The following BNC2 variants were observed in gnomAD, a reference collection of about 807,000 sequenced individuals.
The protein encoded by BNC2 is basonuclin zinc finger protein 2.
In BNC2, 20 loss-of-function variants were observed where a neutral mutation model predicts 76.3. The ratio of observed to expected loss-of-function variants is 0.26; its 90% CI spans 0.18 to 0.38. BNC2 has a LOEUF of 0.38. Ranked by LOEUF, BNC2 falls within the 10% of genes least tolerant of loss-of-function variation. The pLI is 1.00. For synonymous variants in BNC2, 582 were observed against 514.8 expected (o/e 1.13, Z -1.77); for missense variants, 1,382 against 1,399.8 (o/e 0.99, Z 0.20).
intron 3 of BNC2, among the ~76,000 whole-genome samples, chr9:16,673,012 C>G (rs192885804): frequency 6.6e-6 from 1 of 152,130 alleles, no homozygotes; most frequent in Non-Finnish European, 1.5e-5. Flanking sequence ...AATTTTCCTA[C>G]GAGCTGGAAT....
chr9:16,652,647 A>G lies in BNC2; in HGVS notation c.331-69562T>C, dbSNP rs1172407807. Among the ~76,000 whole-genome samples, 4 of 152,172 alleles carry G rather than the reference A, an allele frequency of 2.6e-5. No homozygotes were observed. The East Asian group carries it at 5.8e-4, about 22-fold the overall frequency. On this transcript the variant is annotated intron_variant, in intron 3 of 6. Coordinates refer to ENST00000380672, the MANE Select transcript of BNC2 (RefSeq NM_017637.6). ...GGTTTTTACACCCTAAGTGCACATG[A>G]TATCATCACTTTTCTTCCCCATCAG...
At chr9:16,665,187 G>C in intron 3 of BNC2, 1 of 406,328 alleles carries the variant, frequency 2.5e-6, no homozygotes. Context: ...TGAAAAACAA[G>C]GTGAAATCCT....
At chr9:16,612,529 T>G (rs1587234686) in intron 3 of BNC2, among the ~76,000 whole-genome samples, 1 of 152,172 alleles carries the variant, frequency 6.6e-6, no homozygotes, top group East Asian at 1.9e-4. Flanking sequence ...TCACCAATTC[T>G]TAGCATGGAT....
In BNC2 at chr9:16,583,057, G is replaced by C. The variant is rs1431272013; in HGVS notation, c.359C>G (p.Thr120Arg). ...CTTCCCTGGCTGAAAACATTCACATGTGCAGTTTACCAGTGTGCAACGGAT... is the reference window on the plus strand; with the variant it reads ...CTTCCCTGGCTGAAAACATTCACATCTGCAGTTTACCAGTGTGCAACGGAT... The part of the protein sequence containing the change: ...QAIRCTLVNC[T>R]CECFQPGKIN... Residue 120 changes from threonine (T) to arginine (R), a missense_variant, in exon 4 of 7, where the codon ACA becomes AGA. Physicochemically the swap from Thr to Arg is moderately conservative, Grantham distance 71 (BLOSUM62 -1). Around this residue, in one of 3 missense-constraint regions of BNC2, gnomAD observed 557 missense variants for 540.9 expected, o/e 1.03. Coordinates refer to ENST00000380672, the MANE Select transcript of BNC2 (RefSeq NM_017637.6). 3 of 1,614,004 alleles carry C rather than the reference G, an allele frequency of 1.9e-6. No individual in the cohort carries two copies. Among genetic ancestry groups the C allele is most frequent in the Non-Finnish European group, 2.5e-6 (3 of 1,179,960 alleles).
At chr9:16,789,325 C>G (rs1207461277) in intron 1 of BNC2, among the ~76,000 whole-genome samples, 1 of 151,712 alleles carries the variant, frequency 6.6e-6, no homozygotes, top group Non-Finnish European at 1.5e-5. Context: ...ATCAAACACA[C>G]CAAACAATAC....
Position 16,437,479 on chromosome 9 carries a change from C to G in BNC2, c.715G>C (p.Glu239Gln). The change falls in exon 6 of 7, where the codon GAA becomes CAA. Residue 239 changes from glutamate to glutamine, a missense_variant. Transcript: ENST00000380672. ...TGCTGAAGGGTGATGATTTCCTCTTCTCGAGACATGATGGCCCAGCGGTCC... is the reference window on the plus strand; with the variant it reads ...TGCTGAAGGGTGATGATTTCCTCTTGTCGAGACATGATGGCCCAGCGGTCC... ...VLDRWAIMSREEEIITLQQFL... is the reference protein window; with the variant it reads ...VLDRWAIMSRQEEIITLQQFL... The G allele has an allele frequency of 1.2e-6, 2 of 1,613,784 alleles. 1 individual carries two copies. Among genetic ancestry groups the G allele is most frequent in the South Asian group, 2.2e-5 (2 of 91,062 alleles).
chr9:16,708,779 G>C (rs1429199032), intron 3 of BNC2, among the ~76,000 whole-genome samples: 3 of 152,096 alleles, frequency 2.0e-5, no homozygotes, highest in Non-Finnish European at 2.9e-5. Context: ...TGGCAGAGAG[G>C]AGGAGCTGGA....
At chr9:16,614,514 C>G (rs1240779811) in intron 3 of BNC2, among the ~76,000 whole-genome samples, 1 of 150,736 alleles carries the variant, frequency 6.6e-6, no homozygotes, top group Non-Finnish European at 1.5e-5. Context: ...AATGCCTTCA[C>G]TATCATGGTA....
At chr9:16,734,396 TAGGA>T (rs1302119236) in intron 2 of BNC2, among the ~76,000 whole-genome samples, 2 of 152,188 alleles carry the variant, frequency 1.3e-5, no homozygotes, top group African/African-American at 4.8e-5. Flanking sequence ...CAGATTCAAA[TAGGA>T]AGGAAAAAGC....
At chr9:16,487,380 G>T (rs1822188595) in intron 5 of BNC2, among the ~76,000 whole-genome samples, 1 of 152,150 alleles carries the variant, frequency 6.6e-6, no homozygotes, top group Admixed American at 6.5e-5. Context: ...TAACAATTCA[G>T]AAGTTCTGAT....
At chr9:16,752,469 G>T (rs576870892) in intron 1 of BNC2, among the ~76,000 whole-genome samples, 2 of 152,302 alleles carry the variant, frequency 1.3e-5, no homozygotes, top group South Asian at 4.1e-4. Context: ...GTTTCATGCT[G>T]TTGTACACAA....
intron 5 of BNC2, among the ~76,000 whole-genome samples, chr9:16,532,559 T>C (rs1181034252): frequency 3.9e-5 from 6 of 152,202 alleles, no homozygotes; most frequent in African/African-American, 4.8e-5. Context: ...TGAGAGCTGA[T>C]TGCTAAACAT....
intron 3 of BNC2, among the ~76,000 whole-genome samples, chr9:16,627,820 T>C (rs74491761): frequency 2.6e-5 from 4 of 152,152 alleles, no homozygotes; most frequent in Admixed American, 2.6e-4. Flanking sequence ...CTTCATATTA[T>C]AATTTGGGGT....
Position 16,813,003 on chromosome 9 carries a change from G to A in BNC2, c.3+57643C>T, listed in dbSNP as rs956243925. Among the ~76,000 whole-genome samples, 8 of 152,186 alleles carry A rather than the reference G, an allele frequency of 5.3e-5. No homozygotes were observed. In the East Asian group the frequency reaches 1.6e-3, roughly 30 times the overall value. ...GTGGGCGGATTACCTGAGGTCAAGA[G>A]TTGGAGACCAGCCTGGCCAACATGG... On this transcript the variant is annotated intron_variant, in intron 1 of 6. Transcript: ENST00000380672.
At chr9:16,677,178 A>G (rs1471456386) in intron 3 of BNC2, among the ~76,000 whole-genome samples, 1 of 152,230 alleles carries the variant, frequency 6.6e-6, no homozygotes, top group East Asian at 1.9e-4. Context: ...AAAAGCTAAT[A>G]CACAGGCACA....
chr9:16,481,820 T>A (rs1019661774), intron 5 of BNC2, among the ~76,000 whole-genome samples: 4 of 152,232 alleles, frequency 2.6e-5, no homozygotes, highest in Non-Finnish European at 5.9e-5. Context: ...TTAATGCCTA[T>A]ACACAAACAC....
At chr9:16,421,064 G>A (rs1302872360) in intron 6 of BNC2, among the ~76,000 whole-genome samples, 1 of 152,200 alleles carries the variant, frequency 6.6e-6, no homozygotes, top group African/African-American at 2.4e-5. Context: ...AAGTATGGAA[G>A]ACCAAAATGT....
At chr9:16,434,777 G>T (rs1820970434) in intron 6 of BNC2, 5 of 454,048 alleles carry the variant, frequency 1.1e-5, no homozygotes, top group African/African-American at 2.0e-5. Flanking sequence ...TCTGAAGGCT[G>T]GACATAATAT....
chr9:16,616,114 TG>T (rs751840301), intron 3 of BNC2, among the ~76,000 whole-genome samples: 2 of 152,176 alleles, frequency 1.3e-5, no homozygotes, highest in African/African-American at 2.4e-5. Flanking sequence ...GGGCCAGGCA[TG>T]GTAGCTCACA....
Sources: gnomAD v4.1 joint callset for allele counts (sites outside exome capture counted in the v4.1 genomes callset) on GRCh38, gnomAD v4.1.1 for gene constraint, gnomAD v4.1.1 regional missense constraint, MANE v1.5 for transcripts, NCBI Gene and HGNC (gene_info 2026-07-23, HGNC 2026-07-21) for gene names.